NPTN: variants seen among roughly 807,000 people sequenced by gnomAD.
NPTN encodes SDR-1.
In NPTN, 5 loss-of-function variants were observed where a neutral mutation model predicts 42.7. The ratio of observed to expected loss-of-function variants is 0.12; its 90% CI spans 0.06 to 0.25. The LOEUF is 0.25. Among genes scored for constraint, NPTN ranks in the 10% least tolerant of loss-of-function variants. The probability of loss-of-function intolerance (pLI) is 1.00; values close to 1 mark genes in which losing one functional copy is unlikely to be tolerated. For synonymous variants in NPTN, 180 were observed against 201.9 expected, an observed-to-expected ratio of 0.89 and a Z score of 0.92; for missense variants, 307 against 525.4, an observed-to-expected ratio of 0.58 and a Z score of 4.06.
intron 2 of NPTN, among the ~76,000 whole-genome samples, 197 bp from the exon 3 acceptor site, chr15:73,592,334 G>A (rs1032656021): frequency 6.6e-6 from 1 of 152,142 alleles, no homozygotes; most frequent in East Asian, 1.9e-4. Context: ...GACCACTAGC[G>A]CAGACAACAG....
intron 4 of NPTN, among the ~76,000 whole-genome samples, chr15:73,581,511 G>A (rs944384872): frequency 2.6e-5 from 4 of 152,124 alleles, no homozygotes; most frequent in Non-Finnish European, 4.4e-5. Flanking sequence ...ACTGGTTAAT[G>A]GCTATCCCTC....
chr15:73,612,680 C>T (rs918978533), intron 1 of NPTN, among the ~76,000 whole-genome samples: 1 of 151,980 alleles, frequency 6.6e-6, no homozygotes, highest in African/African-American at 2.4e-5. Context: ...TGAGGCAGGA[C>T]AATGGCGTGA....
At chr15:73,590,852 T>G (rs1218078989) in intron 3 of NPTN, among the ~76,000 whole-genome samples, 3 of 152,118 alleles carry the variant, frequency 2.0e-5, no homozygotes, top group Non-Finnish European at 4.4e-5. Flanking sequence ...AACAACTTTA[T>G]TTGATTAATC....
chr15:73,569,259 A>G lies in NPTN; in HGVS notation c.1114+891T>C, dbSNP rs1895230032. On this transcript the variant is annotated intron_variant, in intron 6 of 8. Coordinates refer to ENST00000345330, the MANE Select transcript of NPTN (RefSeq NM_012428.4). The surrounding 1 kb of genome is among the most constrained non-coding windows in gnomAD (Gnocchi z 4.1). ...GCTGGGAACCTGAAGTACTGCAGAT[A>G]CAAGTCTCCATCAGCAGCTTCCCCC... 1.0e-6 allele frequency: 1 copy of G among 985,550 alleles called. No individual in the cohort carries two copies. 61.1% of individuals were successfully genotyped at this position (985,550 alleles called of 1,614,324 possible).
At chr15:73,632,892 G>A (rs1409243693) in intron 1 of NPTN, 4 of 397,336 alleles carry the variant, frequency 1.0e-5, no homozygotes, top group Non-Finnish European at 1.8e-5. Flanking sequence ...CTCCGAGTGG[G>A]CAACACCTCG....
At chr15:73,628,806 T>C (rs1361961186) in intron 1 of NPTN, among the ~76,000 whole-genome samples, 1 of 152,036 alleles carries the variant, frequency 6.6e-6, no homozygotes, top group Non-Finnish European at 1.5e-5. Flanking sequence ...ATAAAGATAA[T>C]ATAATGTTGC....
chr15:73,613,668 C>A (rs1159829311), intron 1 of NPTN, among the ~76,000 whole-genome samples: 1 of 151,970 alleles, frequency 6.6e-6, no homozygotes. Flanking sequence ...TACGAAGCTA[C>A]GCGGTAACAA....
chr15:73,567,579 A>C, intron 6 of NPTN: 1 of 985,456 alleles, frequency 1.0e-6, no homozygotes, highest in Non-Finnish European at 1.2e-6. Flanking sequence ...TGGCTAAAGA[A>C]GGAAAAGGCA....
chr15:73,574,045 G>A (rs1895553907), intron 4 of NPTN, among the ~76,000 whole-genome samples: 2 of 152,320 alleles, frequency 1.3e-5, no homozygotes, highest in East Asian at 1.9e-4. Flanking sequence ...TACTAATGTA[G>A]GTGATTCTCC....
intron 6 of NPTN, chr15:73,567,277 G>C (rs1466201335): frequency 1.0e-5 from 10 of 985,126 alleles, no homozygotes; most frequent in African/African-American, 1.7e-5. Flanking sequence ...GGTGTATCTT[G>C]ATAATAAAGT....
intron 3 of NPTN, among the ~76,000 whole-genome samples, chr15:73,591,241 A>AC (rs1896573727): frequency 6.6e-6 from 1 of 152,200 alleles, no homozygotes. Context: ...TCCTGGTCTC[A>AC]CCTCAGTGCT....
At chr15:73,615,240 T>C (rs530759308) in intron 1 of NPTN, among the ~76,000 whole-genome samples, 2 of 152,136 alleles carry the variant, frequency 1.3e-5, no homozygotes, top group African/African-American at 4.8e-5. Context: ...TTTTTAACTA[T>C]TCTTAAAAAA....
At chr15:73,589,976 G>A (rs1382631872) in intron 3 of NPTN, among the ~76,000 whole-genome samples, 1 of 151,664 alleles carries the variant, frequency 6.6e-6, no homozygotes, top group East Asian at 2.0e-4. Flanking sequence ...TTGAGTCCAA[G>A]CTCTGAAGAA....
In NPTN at chr15:73,633,254, C is replaced by A; in HGVS notation, c.-39G>T. 1 of 1,424,346 alleles carries A rather than the reference C, an allele frequency of 7.0e-7. No homozygotes were observed. The highest frequency in any genetic ancestry group is 9.4e-7 in the Non-Finnish European group (1 of 1,067,406). The allele number at this position is 1,424,346 out of a possible 1,614,324, so 88.2% of individuals were successfully genotyped here. On this transcript the variant is annotated 5_prime_UTR_variant, in exon 1 of 9. Transcript: ENST00000345330. ...AGACCCAACAGCGAATGGGCCGGGG[C>A]CAGAGCCGGGGCCGGGGAAGGGAGG...
chr15:73,613,279 C>T (rs560726514), intron 1 of NPTN, among the ~76,000 whole-genome samples: 112 of 152,272 alleles, frequency 7.4e-4, no homozygotes, highest in Non-Finnish European at 1.2e-3. Context: ...AAAGCACCTC[C>T]AAAATTCCTA....
chr15:73,575,383 T>C (rs946864387), intron 4 of NPTN, among the ~76,000 whole-genome samples: 1 of 152,160 alleles, frequency 6.6e-6, no homozygotes, highest in Non-Finnish European at 1.5e-5. Flanking sequence ...TCCCAAAGTG[T>C]TGGGATTACA....
chr15:73,579,264 G>A lies in NPTN; in HGVS notation c.707-5469C>T, dbSNP rs530191841. 4.7e-4 allele frequency among the ~76,000 whole-genome samples: 66 copies of A among 140,584 alleles called. 1 individual carries two copies. The highest frequency in any genetic ancestry group is 3.0e-3 in the Admixed American group (41 of 13,602). 92.2% of individuals were successfully genotyped at this position (140,584 alleles called of 152,430 possible). On this transcript the variant is annotated intron_variant, in intron 4 of 8. Coordinates refer to ENST00000345330, the MANE Select transcript of NPTN (RefSeq NM_012428.4). ...ACTGCACTCCAGCCTGGGCGACAGAGGGGACTCCGTCTCAAAAAAAAAAAA... is the reference window on the plus strand; with the variant it reads ...ACTGCACTCCAGCCTGGGCGACAGAAGGGACTCCGTCTCAAAAAAAAAAAA...
In NPTN at chr15:73,560,918, G is replaced by C. The variant is rs1894621946; in HGVS notation, c.*145C>G. On this transcript the variant is annotated 3_prime_UTR_variant, in exon 9 of 9. Transcript: ENST00000345330. ...TGTACCTGGCTAGATCACCCTTACA[G>C]GAGAGGCTAAATAAGGCATGCTTTA... The C allele has an allele frequency of 6.6e-6, 1 of 152,534 alleles. No homozygotes were observed. The highest frequency in any genetic ancestry group is 1.5e-5 in the Non-Finnish European group (1 of 68,022). 9.4% of individuals were successfully genotyped at this position (152,534 alleles called of 1,614,324 possible). A position where few individuals can be genotyped will look rare whatever the true frequency, so the allele number is the denominator to read the frequency against.
rs1418345861 is a variant in NPTN, at chr15:73,633,340, C to A, written c.-125G>T. ...GTGAGCGAGGGAGGCAGCCGCGGCT[C>A]GGCTCCGTCCTTCCCCGTCCTCCTC... On this transcript the variant is annotated 5_prime_UTR_variant, in exon 1 of 9. Transcript: ENST00000345330. The A allele has an allele frequency of 1.7e-5, 11 of 661,110 alleles. No individual in the cohort carries two copies. The highest frequency in any genetic ancestry group is 2.3e-5 in the Non-Finnish European group (10 of 429,578). 41.0% of individuals were successfully genotyped at this position (661,110 alleles called of 1,614,324 possible). A position where few individuals can be genotyped will look rare whatever the true frequency, so the allele number is the denominator to read the frequency against.
Sources: gnomAD v4.1 joint callset for allele counts (sites outside exome capture counted in the v4.1 genomes callset) on GRCh38, gnomAD v4.1.1 for gene constraint, Gnocchi (gnomAD v3.1) non-coding constraint, MANE v1.5 for transcripts, NCBI Gene and HGNC (gene_info 2026-07-23, HGNC 2026-07-21) for gene names.